Variants in SPTBN1 observed in about 807,000 individuals in gnomAD.
SPTBN1 encodes spectrin beta chain, non-erythrocytic 1.
In SPTBN1, 32 loss-of-function variants were observed where a neutral mutation model predicts 266.4. The observed-to-expected ratio is 0.12, with a 90% CI of 0.09 to 0.16. The LOEUF (loss-of-function observed/expected upper bound fraction) is 0.16, where lower values mean the gene tolerates loss of function less well. Ranked by LOEUF, SPTBN1 falls within the 10% of genes least tolerant of loss-of-function variation. The pLI is 1.00. For missense variants in SPTBN1, 2,296 were observed against 3,067.1 expected, an observed-to-expected ratio of 0.75 and a Z score of 5.94; for synonymous variants, 1,336 against 1,162.2, an observed-to-expected ratio of 1.15 and a Z score of -3.04.
intron 7 of SPTBN1, among the ~76,000 whole-genome samples, chr2:54,618,402 G>C (rs536756688): frequency 1.1e-4 from 16 of 152,346 alleles, no homozygotes; most frequent in African/African-American, 3.8e-4. Flanking sequence ...GAGTCTGAAG[G>C]AGAGCGTGTG....
intron 7 of SPTBN1, among the ~76,000 whole-genome samples, chr2:54,620,492 A>G (rs979204305): frequency 6.6e-6 from 1 of 152,152 alleles, no homozygotes; most frequent in African/African-American, 2.4e-5. Context: ...AGTTTGATTC[A>G]GAGATACAGT....
At chr2:54,492,938 A>G (rs920045704) in intron 1 of SPTBN1, among the ~76,000 whole-genome samples, 8 of 152,132 alleles carry the variant, frequency 5.3e-5, no homozygotes, top group African/African-American at 1.9e-4. Flanking sequence ...CAGAATATTG[A>G]ATACAGTGTC....
intron 1 of SPTBN1, among the ~76,000 whole-genome samples, chr2:54,485,358 TTTTC>T (rs1668305421): frequency 6.6e-6 from 1 of 151,894 alleles, no homozygotes; most frequent in South Asian, 2.1e-4. Flanking sequence ...GCCTGACTGG[TTTTC>T]GTATTTTTTT....
At chr2:54,596,937 G>C (rs970021087) in intron 2 of SPTBN1, among the ~76,000 whole-genome samples, 1 of 152,230 alleles carries the variant, frequency 6.6e-6, no homozygotes, top group Non-Finnish European at 1.5e-5. Context: ...CCTTGTGAAA[G>C]AACCTGTTAA....
intron 30 of SPTBN1, 140 bp from the exon 31 acceptor site, chr2:54,659,014 G>T: frequency 1.3e-6 from 1 of 779,162 alleles, no homozygotes. Context: ...AATTCCATTT[G>T]GCTCAGGATG....
At chr2:54,460,052 T>G (rs932210273) in intron 1 of SPTBN1, among the ~76,000 whole-genome samples, 1 of 152,248 alleles carries the variant, frequency 6.6e-6, no homozygotes, top group Non-Finnish European at 1.5e-5. Flanking sequence ...CATAATGTCC[T>G]TTGCTATCAT....
Position 54,649,964 on chromosome 2 carries a change from A to G in SPTBN1, c.5552A>G (p.His1851Arg). The change falls in exon 26 of 36, where the codon CAT (histidine) becomes CGT (arginine). Residue 1851 changes from histidine (H) to arginine (R), a missense_variant. By Grantham distance (29) the His-to-Arg change is conservative (BLOSUM62 0). Transcript: ENST00000356805. The surrounding 1 kb of genome is among the most constrained non-coding windows in gnomAD (Gnocchi z 6.7). ...TLQRMHTTFE[H>R]DIQALGTQVR... ...CAGAGAATGCACACTACATTTGAGC[A>G]TGACATCCAGGCTCTGGGCACACAG... is the stretch of plus-strand genomic sequence containing the variant. 1 of 1,611,642 alleles carries G rather than the reference A, an allele frequency of 6.2e-7. No individual in the cohort carries two copies. Among genetic ancestry groups the G allele is most frequent in the Non-Finnish European group, 8.5e-7 (1 of 1,178,474 alleles).
Position 54,655,916 on chromosome 2 carries a change from C to T in SPTBN1, c.5964C>T (p.Ile1988=). Residue 1988 remains isoleucine (I), a splice_region_variant and synonymous_variant, in exon 29 of 36, where the codon ATC becomes ATT. Transcript: ENST00000356805. ...CGGGGATCCTCTTTTTCATACAGAT[C>T]AAGGAAAAATTACTGCAGTTGACGG... ...LARKHYASEE[I]KEKLLQLTEK... 1 of 1,611,948 alleles carries T rather than the reference C, an allele frequency of 6.2e-7. No individual in the cohort carries two copies. Among genetic ancestry groups the T allele is most frequent in the South Asian group, 1.1e-5 (1 of 90,862 alleles).
At chr2:54,493,996 T>A (rs187646320) in intron 1 of SPTBN1, among the ~76,000 whole-genome samples, 17 of 152,292 alleles carry the variant, frequency 1.1e-4, no homozygotes, top group Non-Finnish European at 2.4e-4. Context: ...TTGAAGATAA[T>A]CACAGTGTCA....
chr2:54,555,027 A>C (rs927189476), intron 2 of SPTBN1, among the ~76,000 whole-genome samples: 1 of 152,002 alleles, frequency 6.6e-6, no homozygotes, highest in Admixed American at 6.6e-5. Flanking sequence ...CTTTTCTCTA[A>C]GTTTTATTTT....
Position 54,558,779 on chromosome 2 carries a change from A to T in SPTBN1, c.148+32213A>T. The T allele has an allele frequency of 6.2e-7, 1 of 1,612,446 alleles. No homozygotes were observed. Among genetic ancestry groups the T allele is most frequent in the South Asian group, 1.1e-5 (1 of 90,938 alleles). On this transcript the variant is annotated intron_variant, in intron 2 of 35. Coordinates refer to ENST00000356805, the MANE Select transcript of SPTBN1 (RefSeq NM_003128.3). This position sits in a 1 kb window ranked among gnomAD's most constrained non-coding sequence, Gnocchi z 4.6. ...CCTCCGGGGCGTTACGCCGGGCATA[A>T]TGGAATTGCAGAGGACGTCTAGTAT... is the stretch of plus-strand genomic sequence containing the variant.
chr2:54,483,351 A>G (rs956087817), intron 1 of SPTBN1, among the ~76,000 whole-genome samples: 1 of 152,236 alleles, frequency 6.6e-6, no homozygotes, highest in African/African-American at 2.4e-5. Flanking sequence ...GACATAGCAC[A>G]TAAGATCCAA....
chr2:54,571,572 C>T (rs202189723), intron 2 of SPTBN1, among the ~76,000 whole-genome samples: 9,096 of 60,336 alleles, frequency 0.15, 300 homozygotes, highest in South Asian at 0.26. Context: ...CACACACACA[C>T]ACATACACAC....
intron 3 of SPTBN1, among the ~76,000 whole-genome samples, chr2:54,611,916 G>A (rs766083425): frequency 6.6e-6 from 1 of 152,152 alleles, no homozygotes; most frequent in Non-Finnish European, 1.5e-5. Flanking sequence ...ATGCTCATTT[G>A]TAAACTATAT....
At chr2:54,652,890 T>G (rs1448498560) in intron 26 of SPTBN1, 1 of 151,686 alleles carries the variant, frequency 6.6e-6, no homozygotes, top group Non-Finnish European at 1.5e-5. Context: ...TCTTTCTTTC[T>G]TTCTTTCTTT....
chr2:54,622,864 C>T (rs1678087054), intron 9 of SPTBN1, among the ~76,000 whole-genome samples: 1 of 152,096 alleles, frequency 6.6e-6, no homozygotes, highest in African/African-American at 2.4e-5. Flanking sequence ...AGGCAATAGC[C>T]CATAAGCCCA....
intron 2 of SPTBN1, among the ~76,000 whole-genome samples, chr2:54,582,812 T>C (rs908479544): frequency 6.6e-6 from 1 of 152,174 alleles, no homozygotes; most frequent in African/African-American, 2.4e-5. Flanking sequence ...GTGGGGGCTA[T>C]CAAGTCAAAC....
chr2:54,614,623 C>G (rs529753960), intron 4 of SPTBN1, among the ~76,000 whole-genome samples: 1 of 151,852 alleles, frequency 6.6e-6, no homozygotes, highest in Non-Finnish European at 1.5e-5. Context: ...GCCAACATGA[C>G]GATACCCTGC....
At chr2:54,647,322 G>A in intron 24 of SPTBN1, 61 bp downstream of exon 24, 1 of 1,578,914 alleles carries the variant, frequency 6.3e-7, no homozygotes. Flanking sequence ...AGGGTCTCTT[G>A]CTAACCCCCA....
Sources: allele counts gnomAD v4.1 joint callset (sites outside exome capture counted in the v4.1 genomes callset), GRCh38; gene constraint gnomAD v4.1.1; non-coding constraint Gnocchi (gnomAD v3.1); transcripts MANE v1.5; gene names NCBI Gene and HGNC (gene_info 2026-07-23, HGNC 2026-07-21).